PDK1: variants seen among roughly 807,000 people sequenced by gnomAD.
PDK1 encodes pyruvate dehydrogenase kinase 1.
In PDK1, 39 loss-of-function variants were observed where a neutral mutation model predicts 54.2. That is an observed-to-expected ratio of 0.72 (90% CI 0.56 to 0.94). The LOEUF is 0.94. Ranked by LOEUF, PDK1 falls within the 40% of genes least tolerant of loss-of-function variation. The pLI, the probability that PDK1 is intolerant of heterozygous loss-of-function variation, is 0.00. For synonymous variants in PDK1, 221 were observed against 207.1 expected, an observed-to-expected ratio of 1.07 and a Z score of -0.58; for missense variants, 552 against 566.0, an observed-to-expected ratio of 0.98 and a Z score of 0.25.
chr2:172,691,191 T>C, the PDK1 span: 2 of 150,150 alleles, frequency 1.3e-5, no homozygotes, highest in Non-Finnish European at 3.0e-5. Flanking sequence ...ATATGCTTTC[T>C]GCCCCCATAT....
rs1436963850 is a variant in PDK1, at chr2:172,604,849, T to C, written c.*8880T>C. 1 of 152,268 alleles carries C rather than the reference T, an allele frequency of 6.6e-6. No individual in the cohort carries two copies. The highest frequency in any genetic ancestry group is 1.5e-5 in the Non-Finnish European group (1 of 68,058). The allele number at this position is 152,268 out of a possible 1,614,324, so 9.4% of individuals were successfully genotyped here. On this transcript the variant is annotated 3_prime_UTR_variant, in exon 11 of 11. Coordinates refer to ENST00000282077, the MANE Select transcript of PDK1 (RefSeq NM_002610.5). ...TACTTTTCTAGTTTCGAGATTATTTTGGAGCTTTATATTGGGTATGTTCTT... is the reference window on the plus strand; with the variant it reads ...TACTTTTCTAGTTTCGAGATTATTTCGGAGCTTTATATTGGGTATGTTCTT...
chr2:172,589,114 G>A (rs1690426048), intron 9 of PDK1, among the ~76,000 whole-genome samples: 1 of 152,166 alleles, frequency 6.6e-6, no homozygotes, highest in South Asian at 2.1e-4. Context: ...AGCCCTATGA[G>A]TCAGCCCATA....
At chr2:172,703,762 C>CTTTCTTTTTTTTTTTT in the PDK1 span, among the ~76,000 whole-genome samples, 1 of 103,256 alleles carries the variant, frequency 9.7e-6, no homozygotes, top group African/African-American at 4.3e-5. Flanking sequence ...TTCTTTCTTT[C>CTTTCTTTTTTTTTTTT]TTTCTTTTTT....
chr2:172,618,615 GA>G, the PDK1 span, among the ~76,000 whole-genome samples: 1 of 152,170 alleles, frequency 6.6e-6, no homozygotes, highest in Non-Finnish European at 1.5e-5. Flanking sequence ...GTTTGGAGCA[GA>G]ATTATGAAAT....
At chr2:172,678,136 C>A in the PDK1 span, among the ~76,000 whole-genome samples, 3 of 152,086 alleles carry the variant, frequency 2.0e-5, no homozygotes, top group African/African-American at 7.2e-5. Context: ...CACCACTGCA[C>A]TCCAGCCTGG....
chr2:172,583,218 A>G (rs1416905134), intron 8 of PDK1, among the ~76,000 whole-genome samples: 5 of 151,310 alleles, frequency 3.3e-5, no homozygotes, highest in Admixed American at 3.3e-4. Flanking sequence ...TCATCTTACT[A>G]AAATAAATTA....
the PDK1 span, among the ~76,000 whole-genome samples, chr2:172,667,555 G>A: frequency 1.3e-5 from 2 of 152,300 alleles, no homozygotes; most frequent in East Asian, 3.9e-4. Flanking sequence ...AAATCCTCCA[G>A]GTCAGCAACT....
At chr2:172,672,224 T>A in the PDK1 span, among the ~76,000 whole-genome samples, 1 of 152,202 alleles carries the variant, frequency 6.6e-6, no homozygotes, top group Non-Finnish European at 1.5e-5. Context: ...TCCTCCCTTT[T>A]CAAGCTGTTT....
chr2:172,631,895 C>T, the PDK1 span, among the ~76,000 whole-genome samples: 2 of 152,168 alleles, frequency 1.3e-5, no homozygotes, highest in Non-Finnish European at 2.9e-5. Context: ...ACACAGCCTA[C>T]CTTTCCCCTT....
At chr2:172,570,416 A>G (rs963011533) in intron 7 of PDK1, among the ~76,000 whole-genome samples, 1 of 152,238 alleles carries the variant, frequency 6.6e-6, no homozygotes, top group Non-Finnish European at 1.5e-5. Context: ...TGTTTTGCCC[A>G]TCATTTACTA....
At chr2:172,648,478 G>A in the PDK1 span, among the ~76,000 whole-genome samples, 1 of 152,166 alleles carries the variant, frequency 6.6e-6, no homozygotes, top group African/African-American at 2.4e-5. Context: ...GAGGTACTGG[G>A]TTCATCTCAC....
the PDK1 span, among the ~76,000 whole-genome samples, chr2:172,716,632 G>A: frequency 1.3e-5 from 2 of 152,048 alleles, no homozygotes; most frequent in African/African-American, 4.8e-5. Flanking sequence ...GCCTAAGTTG[G>A]CCTAATTTTC....
At chr2:172,689,163 T>C in the PDK1 span, among the ~76,000 whole-genome samples, 1 of 152,106 alleles carries the variant, frequency 6.6e-6, no homozygotes, top group African/African-American at 2.4e-5. Flanking sequence ...TTTTACAGAG[T>C]GCCGATTGGT....
the PDK1 span, among the ~76,000 whole-genome samples, chr2:172,716,137 G>A: frequency 6.6e-6 from 1 of 152,136 alleles, no homozygotes; most frequent in African/African-American, 2.4e-5. Flanking sequence ...TTGAGATTTT[G>A]AAAATGTTAT....
chr2:172,694,226 CT>C, the PDK1 span, among the ~76,000 whole-genome samples: 2 of 152,152 alleles, frequency 1.3e-5, no homozygotes, highest in Non-Finnish European at 2.9e-5. Flanking sequence ...TTCATGCTTC[CT>C]TTAAGTAAGG....
At chr2:172,685,442 A>G in the PDK1 span, among the ~76,000 whole-genome samples, 1 of 152,246 alleles carries the variant, frequency 6.6e-6, no homozygotes. Flanking sequence ...AGCTGTGCAC[A>G]AAGAAATATC....
the PDK1 span, among the ~76,000 whole-genome samples, chr2:172,711,796 G>T: frequency 7.0e-6 from 1 of 143,584 alleles, no homozygotes; most frequent in Non-Finnish European, 1.5e-5. Flanking sequence ...AGCCCGAAAG[G>T]TTGAGGCTGC....
intron 8 of PDK1, among the ~76,000 whole-genome samples, chr2:172,573,450 G>C (rs145657730): frequency 1.3e-5 from 2 of 151,654 alleles, no homozygotes; most frequent in African/African-American, 4.8e-5. Flanking sequence ...TTGTTGAGTT[G>C]TAACGGTTCT....
the PDK1 span, among the ~76,000 whole-genome samples, chr2:172,629,954 A>C: frequency 6.6e-6 from 1 of 152,176 alleles, no homozygotes; most frequent in Non-Finnish European, 1.5e-5. Context: ...TCGGTTTCAC[A>C]TTCACCTCCT....
Sources: gnomAD v4.1 joint callset for allele counts (sites outside exome capture counted in the v4.1 genomes callset) on GRCh38, gnomAD v4.1.1 for gene constraint, MANE v1.5 for transcripts, NCBI Gene and HGNC (gene_info 2026-07-23, HGNC 2026-07-21) for gene names.